The following DNAH12 variants were observed in gnomAD, a reference collection of about 807,000 sequenced individuals.
DNAH12 encodes the protein axonemal beta dynein heavy chain 12.
In DNAH12, 285 loss-of-function variants were observed where a neutral mutation model predicts 371.5. That is an observed-to-expected ratio of 0.77 (90% CI 0.70 to 0.85). The LOEUF (loss-of-function observed/expected upper bound fraction) is 0.85. Ranked by LOEUF, DNAH12 falls within the 40% of genes least tolerant of loss-of-function variation. DNAH12 has a pLI of 0.00. For synonymous variants in DNAH12, 1,200 were observed against 1,213.0 expected (o/e 0.99, Z 0.22); for missense variants, 3,611 against 3,689.4 (o/e 0.98, Z 0.55).
At chr3:57,337,793 C>T (rs1450169063) in intron 60 of DNAH12, among the ~76,000 whole-genome samples, 1 of 152,138 alleles carries the variant, frequency 6.6e-6, no homozygotes, top group African/African-American at 2.4e-5. Context: ...CTTCAACACC[C>T]TACTCTTAGC....
At position 57,504,114 on chromosome 3, in the gene DNAH12, A is replaced by G. The variant is rs200479226; in HGVS notation, c.988T>C (p.Leu330=). 7.7e-5 allele frequency: 125 copies of G among 1,613,838 alleles called. No homozygotes were observed. The highest frequency in any genetic ancestry group is 9.7e-5 in the Non-Finnish European group (114 of 1,179,932). Reference sequence around the variant, plus strand: ...TCCATTTTGTCGTCATCAAATGTCAATTCTATCTTAAATATTGGCAGCCTT... The same window carrying G: ...TCCATTTTGTCGTCATCAAATGTCAGTTCTATCTTAAATATTGGCAGCCTT... ...QQRLPIFKIE[L]TFDDDKMEFY... Residue 330 remains leucine (L), a synonymous_variant, in exon 9 of 74, where the codon TTG becomes CTG. Coordinates refer to ENST00000495027, the MANE Select transcript of DNAH12 (RefSeq NM_001366028.2).
chr3:57,320,993 G>A (rs1027738076), intron 65 of DNAH12, among the ~76,000 whole-genome samples: 7 of 152,218 alleles, frequency 4.6e-5, no homozygotes, highest in South Asian at 2.1e-4. Context: ...CAATACTTAC[G>A]GTGCCAGCGT....
chr3:57,299,580 A>G (rs1220499795), intron 70 of DNAH12, among the ~76,000 whole-genome samples: 2 of 152,104 alleles, frequency 1.3e-5, no homozygotes, highest in Admixed American at 6.5e-5. Flanking sequence ...AAATTCATAG[A>G]TTGAAACCCT....
chr3:57,391,202 A>G (rs1473372240), intron 45 of DNAH12, among the ~76,000 whole-genome samples: 1 of 152,204 alleles, frequency 6.6e-6, no homozygotes, highest in Non-Finnish European at 1.5e-5. Context: ...ATCATTATAC[A>G]CTGAGTAAAG....
At chr3:57,445,815 C>G (rs961200071) in intron 27 of DNAH12, among the ~76,000 whole-genome samples, 14 of 151,868 alleles carry the variant, frequency 9.2e-5, no homozygotes, top group Non-Finnish European at 1.8e-4. Context: ...GGTAAAACCC[C>G]GTCTTTACTA....
chr3:57,425,504 G>T (rs1239017968), intron 34 of DNAH12, among the ~76,000 whole-genome samples: 1 of 152,026 alleles, frequency 6.6e-6, no homozygotes, highest in Admixed American at 6.6e-5. Context: ...TCTGGACTCA[G>T]GCAGTCCTCC....
intron 11 of DNAH12, among the ~76,000 whole-genome samples, chr3:57,490,212 T>C (rs1260271563): frequency 6.6e-6 from 1 of 152,096 alleles, no homozygotes; most frequent in Non-Finnish European, 1.5e-5. Context: ...GAGCCTATAA[T>C]CCCAGCTACT....
At position 57,322,405 on chromosome 3, in the gene DNAH12, A is replaced by G; in HGVS notation, c.10462T>C (p.Ser3488Pro). Residue 3488 changes from serine to proline, a missense_variant, in exon 65 of 74, where the codon TCA becomes CCA. Physicochemically the swap from Ser to Pro is moderately conservative, Grantham distance 74. Around this residue, in one of 3 missense-constraint regions of DNAH12, gnomAD observed 2,266 missense variants for 2,236.9 expected, o/e 1.01. Transcript: ENST00000495027. ...TCAGAAACTGGATCAGTGAGATATGATTGAAGGAGATTCAGCCGAAGACCC... is the reference window on the plus strand; with the variant it reads ...TCAGAAACTGGATCAGTGAGATATGGTTGAAGGAGATTCAGCCGAAGACCC... The part of the protein sequence containing the change: ...PTGLRLNLLQ[S>P]YLTDPVSDPE... 3.2e-6 allele frequency: 5 copies of G among 1,552,134 alleles called. No homozygotes were observed. The highest frequency in any genetic ancestry group is 4.4e-6 in the Non-Finnish European group (5 of 1,147,090).
the DNAH12 span, among the ~76,000 whole-genome samples, chr3:57,550,355 A>C: frequency 6.6e-6 from 1 of 152,136 alleles, no homozygotes; most frequent in Non-Finnish European, 1.5e-5. Flanking sequence ...GAATAAATAA[A>C]TATTAATAAT....
At chr3:57,456,468 A>C (rs185144955) in intron 22 of DNAH12, among the ~76,000 whole-genome samples, 44 of 152,322 alleles carry the variant, frequency 2.9e-4, no homozygotes, top group African/African-American at 9.6e-4. Flanking sequence ...ATCATTCAAG[A>C]TTAGGTTAAT....
chr3:57,523,822 G>A lies in DNAH12; in HGVS notation c.233C>T (p.Pro78Leu). 2 of 1,603,352 alleles carry A rather than the reference G, an allele frequency of 1.2e-6. No individual in the cohort carries two copies. Among genetic ancestry groups the A allele is most frequent in the Non-Finnish European group, 1.7e-6 (2 of 1,176,300 alleles). The change falls in exon 3 of 74, where the codon CCA (proline) becomes CTA (leucine). Residue 78 changes from proline (P) to leucine (L), a missense_variant. Around this residue, in one of 3 missense-constraint regions of DNAH12, gnomAD observed 1,314 missense variants for 1,398.7 expected, o/e 0.94. Transcript: ENST00000495027. ...TLGKRTPLLP[P>L]PDYPQTMTSE... ...ACTTACAGTTTGAGGATAATCAGGTGGTGGTAATAGAGGTGTTCTTTTACC... is the reference window on the plus strand; with the variant it reads ...ACTTACAGTTTGAGGATAATCAGGTAGTGGTAATAGAGGTGTTCTTTTACC...
chr3:57,452,456 C>T (rs1465276478), intron 25 of DNAH12, among the ~76,000 whole-genome samples: 1 of 152,116 alleles, frequency 6.6e-6, no homozygotes, highest in African/African-American at 2.4e-5. Flanking sequence ...TTTCATCTCT[C>T]CATCCTACTT....
Position 57,499,673 on chromosome 3 carries a change from T to TATATATATATATACAC in DNAH12, c.1335+1647_1335+1648insGTGTATATATATATAT, listed in dbSNP as rs771112538. Among the ~76,000 whole-genome samples, 45 of 44,422 alleles carry TATATATATATATACAC rather than the reference T, an allele frequency of 1.0e-3. 2 individuals carry two copies. The highest frequency in any genetic ancestry group is 2.5e-3 in the South Asian group (2 of 816). The allele number at this position is 44,422 out of a possible 152,430, so 29.1% of individuals were successfully genotyped here. ...ATATATATATATATATATATATATA[T>TATATATATATATACAC]ATACTTCTTAAAAAAATTAGCCAGG... On this transcript the variant is annotated intron_variant, in intron 11 of 73. Transcript: ENST00000495027.
intron 39 of DNAH12, among the ~76,000 whole-genome samples, chr3:57,410,821 C>CAA (rs36056798): frequency 0.072 from 10,487 of 146,554 alleles, 1,214 homozygotes; most frequent in African/African-American, 0.24. Flanking sequence ...GTCTCAAAGG[C>CAA]AAAAAAAAAA....
At chr3:57,425,207 T>A (rs753454581) in intron 34 of DNAH12, 66 bp from the exon 35 acceptor site, 15 of 665,116 alleles carry the variant, frequency 2.3e-5, no homozygotes, top group Non-Finnish European at 3.8e-5. Flanking sequence ...AAAAACACTT[T>A]ATTTTTAAAA....
Position 57,334,816 on chromosome 3 carries a change from G to C in DNAH12, c.9799C>G (p.Arg3267Gly). ...LQDKSWEEICRASEFPAFRGL... is the reference protein window; with the variant it reads ...LQDKSWEEICGASEFPAFRGL... ...CTGAAGGCAGGAAATTCACTTGCCC[G>C]ACAGATTTCCTCCCAGCTTTTGTCC... Residue 3267 changes from arginine to glycine, a missense_variant, in exon 61 of 74, where the codon CGG (arginine) becomes GGG (glycine). By Grantham distance (125) the Arg-to-Gly change is moderately radical. This residue lies in a region of DNAH12 where 2,266 missense variants were observed against 2,236.9 expected (regional missense o/e 1.01). Transcript: ENST00000495027. 1.9e-6 allele frequency: 3 copies of C among 1,551,778 alleles called. No homozygotes were observed. The highest frequency in any genetic ancestry group is 2.6e-6 in the Non-Finnish European group (3 of 1,147,032).
intron 3 of DNAH12, 56 bp from the exon 4 acceptor site, chr3:57,523,665 T>G: frequency 7.3e-7 from 1 of 1,360,980 alleles, no homozygotes; most frequent in South Asian, 1.8e-5. Context: ...AAAATTAATT[T>G]AAATTGTTTA....
At chr3:57,405,412 T>C (rs536779911) in intron 41 of DNAH12, among the ~76,000 whole-genome samples, 1 of 152,342 alleles carries the variant, frequency 6.6e-6, no homozygotes, top group Non-Finnish European at 1.5e-5. Context: ...ATGGTCATCA[T>C]GTTAAGCACT....
intron 69 of DNAH12, among the ~76,000 whole-genome samples, chr3:57,302,546 T>TATATAC (rs2061372944): frequency 2.1e-5 from 2 of 94,938 alleles, no homozygotes; most frequent in East Asian, 8.6e-4. Flanking sequence ...TATATATATA[T>TATATAC]ATATATATAT....
Sources: gnomAD v4.1 joint callset for allele counts (sites outside exome capture counted in the v4.1 genomes callset) on GRCh38, gnomAD v4.1.1 for gene constraint, gnomAD v4.1.1 regional missense constraint, MANE v1.5 for transcripts, NCBI Gene and HGNC (gene_info 2026-07-23, HGNC 2026-07-21) for gene names.